The following TMOD2 variants were observed in gnomAD, a reference collection of about 807,000 sequenced individuals.
TMOD2 encodes tropomodulin 2.
Under a neutral mutation model 39.9 loss-of-function variants are expected in TMOD2, and 22 were observed. The ratio of observed to expected loss-of-function variants is 0.55; its 90% CI spans 0.39 to 0.79. The LOEUF (loss-of-function observed/expected upper bound fraction) is 0.79. TMOD2 is among the 30% of genes least tolerant of loss of function. The pLI, the probability that TMOD2 is intolerant of heterozygous loss-of-function variation, is 0.00. For synonymous variants in TMOD2, 123 were observed against 146.1 expected (o/e 0.84, Z 1.14); for missense variants, 386 against 413.3 (o/e 0.93, Z 0.57).
chr15:51,762,927 A>G (rs1400679010), intron 1 of TMOD2, among the ~76,000 whole-genome samples: 2 of 152,030 alleles, frequency 1.3e-5, no homozygotes, highest in Non-Finnish European at 2.9e-5. Context: ...ATATACGACA[A>G]TTTGTTTATT....
intron 7 of TMOD2, among the ~76,000 whole-genome samples, chr15:51,790,398 C>A (rs1386171650): frequency 6.6e-6 from 1 of 152,032 alleles, no homozygotes; most frequent in Non-Finnish European, 1.5e-5. Context: ...CAGGACCAGA[C>A]CGATTTACAG....
At chr15:51,801,280 CA>C in intron 8 of TMOD2, among the ~76,000 whole-genome samples, 2 of 139,488 alleles carry the variant, frequency 1.4e-5, no homozygotes, top group Non-Finnish European at 3.1e-5. Flanking sequence ...CACACACACA[CA>C]CACCCTGTCT....
intron 7 of TMOD2, among the ~76,000 whole-genome samples, chr15:51,791,324 A>G (rs1023552665): frequency 2.6e-5 from 4 of 152,224 alleles, no homozygotes; most frequent in African/African-American, 9.6e-5. Context: ...AAGGAGAGCT[A>G]CAAAACACTG....
chr15:51,767,564 G>T (rs1465046521), intron 2 of TMOD2, among the ~76,000 whole-genome samples: 4 of 151,518 alleles, frequency 2.6e-5, no homozygotes, highest in Non-Finnish European at 4.4e-5. Flanking sequence ...AGAATTAGCA[G>T]TACTTTTATA....
intron 3 of TMOD2, 86 bp from the exon 4 acceptor site, chr15:51,773,626 G>A: frequency 1.4e-6 from 2 of 1,386,252 alleles, no homozygotes; most frequent in Admixed American, 4.8e-5. Context: ...GGTCTCAATG[G>A]CCAGAACTGC....
intron 7 of TMOD2, among the ~76,000 whole-genome samples, chr15:51,794,437 G>A (rs963277519): frequency 6.6e-6 from 1 of 152,142 alleles, no homozygotes; most frequent in Non-Finnish European, 1.5e-5. Flanking sequence ...TTTAATTAAA[G>A]TGGTTACTGG....
Position 51,813,215 on chromosome 15 carries a change from A to AT in TMOD2, c.*4764dup, listed in dbSNP as rs1359025855. 3.3e-5 allele frequency: 5 copies of AT among 152,204 alleles called. No individual in the cohort carries two copies. Among genetic ancestry groups the AT allele is most frequent in the Non-Finnish European group, 7.3e-5 (5 of 68,038 alleles). 9.4% of individuals were successfully genotyped at this position (152,204 alleles called of 1,614,324 possible). A position where few individuals can be genotyped will look rare whatever the true frequency, so the allele number is the denominator to read the frequency against. On this transcript the variant is annotated 3_prime_UTR_variant, in exon 10 of 10. Coordinates refer to ENST00000249700, the MANE Select transcript of TMOD2 (RefSeq NM_014548.4). The stretch of plus-strand genomic sequence containing the variant: ...ACATTTGTTTAATGGCAGAACTGAG[A>AT]TTTGCTCAGCTTATCTCTTTCCCAT...
At chr15:51,775,123 T>C (rs1432073892) in intron 4 of TMOD2, among the ~76,000 whole-genome samples, 1 of 152,148 alleles carries the variant, frequency 6.6e-6, no homozygotes, top group East Asian at 1.9e-4. Flanking sequence ...TGGCAGCCAT[T>C]GAGTTTTAGA....
At chr15:51,773,932 G>C in intron 4 of TMOD2, 98 bp downstream of exon 4, 1 of 1,357,532 alleles carries the variant, frequency 7.4e-7, no homozygotes, top group Non-Finnish European at 1.0e-6. Context: ...TCTTAGGTAG[G>C]AGAATGACAG....
intron 7 of TMOD2, among the ~76,000 whole-genome samples, chr15:51,795,269 A>G (rs986134485): frequency 6.7e-6 from 1 of 149,320 alleles, no homozygotes; most frequent in Non-Finnish European, 1.5e-5. Flanking sequence ...ACAAGTATAT[A>G]AAAAAAATTA....
chr15:51,807,089 C>G (rs2056126049), intron 9 of TMOD2, among the ~76,000 whole-genome samples: 1 of 152,192 alleles, frequency 6.6e-6, no homozygotes, highest in Admixed American at 6.5e-5. Context: ...CCTGATCAAC[C>G]ATAGCAAAGA....
intron 7 of TMOD2, among the ~76,000 whole-genome samples, chr15:51,796,231 A>G (rs1366769860): frequency 6.6e-6 from 1 of 152,118 alleles, no homozygotes; most frequent in East Asian, 1.9e-4. Flanking sequence ...GATAAGCTAT[A>G]TATTTTATTT....
intron 7 of TMOD2, among the ~76,000 whole-genome samples, chr15:51,788,136 G>C (rs1448014769): frequency 6.6e-6 from 1 of 152,202 alleles, no homozygotes; most frequent in Non-Finnish European, 1.5e-5. Flanking sequence ...AACCAGTGTA[G>C]AGAAGAGCTT....
chr15:51,779,505 C>G (rs2055914899), intron 5 of TMOD2, among the ~76,000 whole-genome samples: 1 of 151,818 alleles, frequency 6.6e-6, no homozygotes, highest in African/African-American at 2.4e-5. Context: ...CTCAGCCTCC[C>G]CAGCAGCTGG....
At chr15:51,802,873 A>AG (rs1161106612) in intron 8 of TMOD2, among the ~76,000 whole-genome samples, 2 of 152,196 alleles carry the variant, frequency 1.3e-5, no homozygotes, top group Non-Finnish European at 2.9e-5. Context: ...GACTCGTTTG[A>AG]GGGGTTGCTG....
chr15:51,786,478 G>A (rs1005175616), intron 7 of TMOD2, among the ~76,000 whole-genome samples: 21 of 152,110 alleles, frequency 1.4e-4, no homozygotes, highest in African/African-American at 4.1e-4. Flanking sequence ...ATTGGCATCC[G>A]TTTAGACATG....
intron 7 of TMOD2, among the ~76,000 whole-genome samples, chr15:51,792,553 A>T (rs2056019481): frequency 6.6e-6 from 1 of 152,208 alleles, no homozygotes; most frequent in African/African-American, 2.4e-5. Flanking sequence ...TACTATAAAG[A>T]CACATGCACA....
At chr15:51,764,724 C>T (rs1335562801) in intron 1 of TMOD2, among the ~76,000 whole-genome samples, 1 of 152,154 alleles carries the variant, frequency 6.6e-6, no homozygotes, top group African/African-American at 2.4e-5. Flanking sequence ...CCTGCTCTAC[C>T]AGCATATCAT....
At chr15:51,756,767 A>G (rs16964505) in intron 1 of TMOD2, among the ~76,000 whole-genome samples, 4,822 of 152,306 alleles carry the variant, frequency 0.032, 123 homozygotes, top group Non-Finnish European at 0.05. Context: ...TTGCCGTACC[A>G]TATTTCAGAC....
Sources: allele counts gnomAD v4.1 joint callset (sites outside exome capture counted in the v4.1 genomes callset), GRCh38; gene constraint gnomAD v4.1.1; transcripts MANE v1.5; gene names NCBI Gene and HGNC (gene_info 2026-07-23, HGNC 2026-07-21).